Variants in GPC6 observed in about 807,000 individuals in gnomAD.
GPC6 encodes the protein glypican 6.
Under a neutral mutation model 55.2 loss-of-function variants are expected in GPC6, and 14 were observed. The ratio of observed to expected loss-of-function variants is 0.25; its 90% CI spans 0.17 to 0.40. The LOEUF is 0.40. GPC6 is among the 10% of genes least tolerant of loss of function. GPC6 has a pLI of 1.00. For missense variants in GPC6, 641 were observed against 708.5 expected (o/e 0.90, Z 1.08); for synonymous variants, 278 against 259.6 (o/e 1.07, Z -0.68).
At chr13:93,859,105 A>G (rs930155743) in intron 3 of GPC6, among the ~76,000 whole-genome samples, 3 of 151,580 alleles carry the variant, frequency 2.0e-5, no homozygotes, top group African/African-American at 7.3e-5. Context: ...TAATAGAAGC[A>G]GTAACATTAC....
At chr13:94,226,470 G>A (rs1890561202) in intron 4 of GPC6, among the ~76,000 whole-genome samples, 1 of 152,092 alleles carries the variant, frequency 6.6e-6, no homozygotes, top group African/African-American at 2.4e-5. Flanking sequence ...TTAAGGTGAT[G>A]GATAAACTGA....
intron 1 of GPC6, among the ~76,000 whole-genome samples, chr13:93,519,053 T>A (rs1019931015): frequency 3.3e-5 from 5 of 152,044 alleles, no homozygotes; most frequent in Admixed American, 3.3e-4. Context: ...AGAGATCTTA[T>A]GTACCGCAAA....
intron 2 of GPC6, among the ~76,000 whole-genome samples, chr13:93,605,748 G>A (rs1334391468): frequency 1.3e-5 from 2 of 151,148 alleles, no homozygotes; most frequent in Admixed American, 6.6e-5. Context: ...AGGCTGAGGC[G>A]GGAGAATCAC....
At chr13:94,135,027 T>A (rs1033462946) in intron 4 of GPC6, among the ~76,000 whole-genome samples, 1 of 152,184 alleles carries the variant, frequency 6.6e-6, no homozygotes, top group South Asian at 2.1e-4. Flanking sequence ...AGAATAGCCG[T>A]TGCCTCTCAT....
At chr13:93,620,828 A>T (rs1418679792) in intron 2 of GPC6, among the ~76,000 whole-genome samples, 5 of 152,022 alleles carry the variant, frequency 3.3e-5, no homozygotes, top group African/African-American at 1.2e-4. Flanking sequence ...CCCCATTCCC[A>T]ACCTTTCTGC....
At chr13:94,316,544 C>T (rs1594162061) in intron 6 of GPC6, among the ~76,000 whole-genome samples, 1 of 151,646 alleles carries the variant, frequency 6.6e-6, no homozygotes, top group Admixed American at 6.6e-5. Flanking sequence ...GGTGAAACCC[C>T]GTCTCTACTA....
chr13:93,524,084 C>T (rs1170430524), intron 1 of GPC6, among the ~76,000 whole-genome samples: 1 of 151,956 alleles, frequency 6.6e-6, no homozygotes, highest in African/African-American at 2.4e-5. Flanking sequence ...AAATTTGGGG[C>T]TCACTAATAA....
chr13:93,249,996 C>T, intron 1 of GPC6, among the ~76,000 whole-genome samples: 1 of 152,144 alleles, frequency 6.6e-6, no homozygotes, highest in East Asian at 1.9e-4. Flanking sequence ...AAAATGTAGT[C>T]TGATCAGTTT....
chr13:94,090,641 A>T (rs1928126), intron 4 of GPC6, among the ~76,000 whole-genome samples: 1 of 151,968 alleles, frequency 6.6e-6, no homozygotes, highest in Admixed American at 6.6e-5. Flanking sequence ...AATTTGATCT[A>T]ATTTTATTTT....
chr13:94,155,837 A>G (rs1276848102), intron 4 of GPC6, among the ~76,000 whole-genome samples: 1 of 152,080 alleles, frequency 6.6e-6, no homozygotes, highest in East Asian at 1.9e-4. Flanking sequence ...ACCCCCACCC[A>G]TACATGCTAT....
chr13:93,425,895 GC>G (rs1877108018), intron 1 of GPC6, among the ~76,000 whole-genome samples: 1 of 152,044 alleles, frequency 6.6e-6, no homozygotes, highest in African/African-American at 2.4e-5. Context: ...ACTCCCTTAG[GC>G]ACAGGTGCCC....
chr13:93,492,978 A>G, intron 1 of GPC6, among the ~76,000 whole-genome samples: 1 of 98,884 alleles, frequency 1.0e-5, no homozygotes, highest in African/African-American at 4.0e-5. Context: ...TTGGTCTAAA[A>G]TTCTCTTTTT....
rs1316027036 is a variant in GPC6, at chr13:93,773,990, A to G, written c.320-56164A>G. 2.6e-5 allele frequency among the ~76,000 whole-genome samples: 4 copies of G among 152,230 alleles called. No homozygotes were observed. In the East Asian group the frequency reaches 7.7e-4, roughly 29 times the overall value. ...GAAGACATGTTGAGATCAGACAGTC[A>G]GAAGAACTGCTTTGGCTTAGATGCC... is the stretch of plus-strand genomic sequence containing the variant. On this transcript the variant is annotated intron_variant, in intron 2 of 8. Transcript: ENST00000377047.
At chr13:93,467,370 C>T (rs1878944099) in intron 1 of GPC6, among the ~76,000 whole-genome samples, 1 of 152,044 alleles carries the variant, frequency 6.6e-6, no homozygotes, top group Non-Finnish European at 1.5e-5. Context: ...AAATGGTATG[C>T]ACCAGGAGGG....
intron 1 of GPC6, among the ~76,000 whole-genome samples, chr13:93,342,873 A>G (rs565652198): frequency 1.4e-4 from 22 of 152,230 alleles, no homozygotes; most frequent in African/African-American, 4.3e-4. Flanking sequence ...GTTTTATATA[A>G]ATGGACATTG....
intron 4 of GPC6, among the ~76,000 whole-genome samples, chr13:94,221,901 T>C (rs1890396574): frequency 6.6e-6 from 1 of 152,096 alleles, no homozygotes; most frequent in South Asian, 2.1e-4. Flanking sequence ...TGGATATCAT[T>C]AATTTATATC....
At chr13:93,221,668 G>C in the GPC6 span, among the ~76,000 whole-genome samples, 3 of 152,140 alleles carry the variant, frequency 2.0e-5, no homozygotes, top group Non-Finnish European at 4.4e-5. Context: ...CACCATTTCT[G>C]GTCATTATTC....
intron 2 of GPC6, among the ~76,000 whole-genome samples, chr13:93,685,781 G>A (rs1235046483): frequency 6.6e-6 from 1 of 152,012 alleles, no homozygotes; most frequent in African/African-American, 2.4e-5. Context: ...AGTTAAGGGG[G>A]CATGTTATAT....
At chr13:93,912,186 C>G (rs1436058597) in intron 3 of GPC6, among the ~76,000 whole-genome samples, 1 of 152,106 alleles carries the variant, frequency 6.6e-6, no homozygotes, top group African/African-American at 2.4e-5. Flanking sequence ...TTATTCTTTA[C>G]CATATCAGAA....
Sources: allele counts gnomAD v4.1 joint callset (sites outside exome capture counted in the v4.1 genomes callset), GRCh38; gene constraint gnomAD v4.1.1; transcripts MANE v1.5; gene names NCBI Gene and HGNC (gene_info 2026-07-23, HGNC 2026-07-21).